The following STUM variants were observed in gnomAD, a reference collection of about 807,000 sequenced individuals.
The protein encoded by STUM is stum, mechanosensory transduction mediator homolog.
STUM carries 8 observed loss-of-function variants against 15.3 expected under a neutral mutation model. That is an observed-to-expected ratio of 0.52 (90% CI 0.31 to 0.94). STUM has a LOEUF of 0.94. Ranked by LOEUF, STUM falls within the 40% of genes least tolerant of loss-of-function variation. STUM has a pLI of 0.05. For synonymous variants in STUM, 78 were observed against 88.7 expected (o/e 0.88, Z 0.68); for missense variants, 142 against 204.9 (o/e 0.69, Z 1.87).
At chr1:226,579,340 A>G (rs1446017158) in intron 1 of STUM, among the ~76,000 whole-genome samples, 1 of 152,228 alleles carries the variant, frequency 6.6e-6, no homozygotes, top group Non-Finnish European at 1.5e-5. Context: ...CCAACACATG[A>G]GTGCAGCCTT....
chr1:226,600,655 T>C lies in STUM; in HGVS notation c.383-11T>C. 5 of 1,611,204 alleles carry C rather than the reference T, an allele frequency of 3.1e-6. No homozygotes were observed. The highest frequency in any genetic ancestry group is 4.2e-6 in the Non-Finnish European group (5 of 1,179,990). On this transcript the variant is annotated splice_polypyrimidine_tract_variant and intron_variant, in intron 2 of 3. Coordinates refer to ENST00000366788, the MANE Select transcript of STUM (RefSeq NM_001003665.4). The surrounding 1 kb of genome is among the most constrained non-coding windows in gnomAD (Gnocchi z 5.2). ...CTTCCTCCTGCTGCCTCCCACTCTG[T>C]GCTGCTGCAGTTTCCCAAGGTGAGT...
chr1:226,585,351 G>A (rs1667980790), intron 1 of STUM, among the ~76,000 whole-genome samples: 1 of 152,178 alleles, frequency 6.6e-6, no homozygotes, highest in South Asian at 2.1e-4. Context: ...CCTACTCGAT[G>A]TGGGGCCCTC....
At chr1:226,592,351 T>C (rs537650659) in intron 1 of STUM, among the ~76,000 whole-genome samples, 4 of 152,236 alleles carry the variant, frequency 2.6e-5, no homozygotes, top group South Asian at 4.1e-4. Context: ...GCCCAGCCTT[T>C]TTCCTTATTT....
chr1:226,562,140 C>T (rs931973423), intron 1 of STUM, among the ~76,000 whole-genome samples: 1 of 152,082 alleles, frequency 6.6e-6, no homozygotes, highest in African/African-American at 2.4e-5. Context: ...CTAAAAGCCA[C>T]TGAATTATTC....
chr1:226,565,949 C>T lies in STUM; in HGVS notation c.202+16843C>T, dbSNP rs1667618464. Among the ~76,000 whole-genome samples, 4 of 152,216 alleles carry T rather than the reference C, an allele frequency of 2.6e-5. No individual in the cohort carries two copies. Among genetic ancestry groups the T allele is most frequent in the Admixed American group, 2.6e-4 (4 of 15,282 alleles). On this transcript the variant is annotated intron_variant, in intron 1 of 3. Transcript: ENST00000366788. The surrounding 1 kb of genome is among the most constrained non-coding windows in gnomAD (Gnocchi z 4.4). ...TTGTGCCTGGGCTTACCAGCGATTCCTCCTTACTCTTTCTGTGATAAACAG... is the reference window on the plus strand; with the variant it reads ...TTGTGCCTGGGCTTACCAGCGATTCTTCCTTACTCTTTCTGTGATAAACAG...
At position 226,587,261 on chromosome 1, in the gene STUM, G is replaced by T. The variant is rs376744663; in HGVS notation, c.203-9541G>T. On this transcript the variant is annotated intron_variant, in intron 1 of 3. Transcript: ENST00000366788. ...CTCCAGTCGCCTTCACCCCCAGCAG[G>T]ATGAGAACTGATGTCACAGTCAGGA... Among the ~76,000 whole-genome samples, 241 of 152,272 alleles carry T rather than the reference G, an allele frequency of 1.6e-3. 1 individual carries two copies. The highest frequency in any genetic ancestry group is 5.6e-3 in the African/African-American group (234 of 41,552).
chr1:226,599,064 G>A (rs889533608), intron 2 of STUM, among the ~76,000 whole-genome samples: 5 of 152,094 alleles, frequency 3.3e-5, no homozygotes, highest in Admixed American at 6.6e-5. Flanking sequence ...ATCAGATCTC[G>A]TGAGACTCAT....
rs974228749 is a variant in STUM, at chr1:226,606,856, G to A, written c.*4816G>A. 2.6e-5 allele frequency: 4 copies of A among 152,268 alleles called. No homozygotes were observed. In the East Asian group the frequency reaches 7.7e-4, roughly 29 times the overall value. 9.4% of individuals were successfully genotyped at this position (152,268 alleles called of 1,614,324 possible). On this transcript the variant is annotated 3_prime_UTR_variant, in exon 4 of 4. Transcript: ENST00000366788. The stretch of plus-strand genomic sequence containing the variant: ...GGCCTCGGGCAGTCCTCACCAGGGG[G>A]ACACCTCCCTGCTTTGCATTAACTC...
intron 1 of STUM, among the ~76,000 whole-genome samples, chr1:226,555,820 C>T (rs747077658): frequency 6.6e-6 from 1 of 152,074 alleles, no homozygotes; most frequent in African/African-American, 2.4e-5. Flanking sequence ...CCTGTAAGGA[C>T]CTAAGCCAGA....
intron 1 of STUM, among the ~76,000 whole-genome samples, chr1:226,559,089 A>G (rs1446728781): frequency 1.3e-5 from 2 of 152,232 alleles, no homozygotes; most frequent in East Asian, 3.8e-4. Flanking sequence ...TGATGAAGTA[A>G]CTTTTCTTGA....
intron 1 of STUM, among the ~76,000 whole-genome samples, chr1:226,569,563 C>T (rs111736712): frequency 1.3e-5 from 2 of 152,150 alleles, no homozygotes; most frequent in East Asian, 1.9e-4. Flanking sequence ...TCCCTTGGGA[C>T]GCTTGGTAAA....
chr1:226,555,498 C>T (rs1667433079), intron 1 of STUM, among the ~76,000 whole-genome samples: 1 of 32,682 alleles, frequency 3.1e-5, no homozygotes, highest in Non-Finnish European at 6.2e-5. Context: ...TGAGACTCAA[C>T]TTTGACTCTT....
rs191530730 is a variant in STUM, at chr1:226,577,810, G to C, written c.203-18992G>C. Among the ~76,000 whole-genome samples, 126 of 130,642 alleles carry C rather than the reference G, an allele frequency of 9.6e-4. 1 individual carries two copies. Among genetic ancestry groups the C allele is most frequent in the African/African-American group, 3.5e-3 (121 of 34,292 alleles). 85.7% of individuals were successfully genotyped at this position (130,642 alleles called of 152,430 possible). On this transcript the variant is annotated intron_variant, in intron 1 of 3. Coordinates refer to ENST00000366788, the MANE Select transcript of STUM (RefSeq NM_001003665.4). ...CCCAGACAAATGGGTTGTTCTGTGG[G>C]GGGGATGGTTGTTCTATGGGATGAA...
At position 226,572,435 on chromosome 1, in the gene STUM, A is replaced by G. The variant is rs183953308; in HGVS notation, c.202+23329A>G. On this transcript the variant is annotated intron_variant, in intron 1 of 3. Transcript: ENST00000366788. ...GCTGGGCTTCAGTGGAAACCAGGAAACCCGAGGTGGGAGAGGCTAACAGCC... is the reference window on the plus strand; with the variant it reads ...GCTGGGCTTCAGTGGAAACCAGGAAGCCCGAGGTGGGAGAGGCTAACAGCC... Among the ~76,000 whole-genome samples, 158 of 152,336 alleles carry G rather than the reference A, an allele frequency of 1.0e-3. 1 individual carries two copies. The highest frequency in any genetic ancestry group is 3.7e-3 in the African/African-American group (152 of 41,572).
chr1:226,593,892 C>G (rs777117257), intron 1 of STUM, among the ~76,000 whole-genome samples: 1 of 152,156 alleles, frequency 6.6e-6, no homozygotes, highest in Non-Finnish European at 1.5e-5. Context: ...TTCCGTAGAT[C>G]TCAGGTGGGA....
At chr1:226,589,364 G>A (rs921896595) in intron 1 of STUM, among the ~76,000 whole-genome samples, 4 of 152,182 alleles carry the variant, frequency 2.6e-5, no homozygotes, top group Admixed American at 1.3e-4. Flanking sequence ...CTCCCCAGAG[G>A]ACAAGCCCAG....
chr1:226,553,682 G>A (rs945023957), intron 1 of STUM, among the ~76,000 whole-genome samples: 1 of 152,250 alleles, frequency 6.6e-6, no homozygotes, highest in South Asian at 2.1e-4. Context: ...GTGGTGGAAT[G>A]TAAGAAAGGC....
chr1:226,602,398 C>T lies in STUM; in HGVS notation c.*358C>T, dbSNP rs1668283298. The stretch of plus-strand genomic sequence containing the variant: ...ACGCCACGTCTGCTGGGCCGGGCCA[C>T]ACCGGGCCCTGTCTGGGTGAGCAGG... On this transcript the variant is annotated 3_prime_UTR_variant, in exon 4 of 4. Coordinates refer to ENST00000366788, the MANE Select transcript of STUM (RefSeq NM_001003665.4). The T allele has an allele frequency of 3.4e-6, 1 of 291,038 alleles. No homozygotes were observed. The highest frequency in any genetic ancestry group is 4.8e-5 in the South Asian group (1 of 20,920). 18.0% of individuals were successfully genotyped at this position (291,038 alleles called of 1,614,324 possible).
chr1:226,591,973 G>A (rs1441395011), intron 1 of STUM, among the ~76,000 whole-genome samples: 1 of 151,960 alleles, frequency 6.6e-6, no homozygotes, highest in Non-Finnish European at 1.5e-5. Context: ...AATGACACAG[G>A]GATGGGAAGG....
Sources: allele counts gnomAD v4.1 joint callset (sites outside exome capture counted in the v4.1 genomes callset), GRCh38; gene constraint gnomAD v4.1.1; non-coding constraint Gnocchi (gnomAD v3.1); transcripts MANE v1.5; gene names NCBI Gene and HGNC (gene_info 2026-07-23, HGNC 2026-07-21).